The following JADE3 variants were observed in gnomAD, a reference collection of about 807,000 sequenced individuals.
JADE3 encodes the protein jade family PHD finger 3.
Under a neutral mutation model 50.1 loss-of-function variants are expected in JADE3, and 2 were observed. The observed-to-expected ratio is 0.04, with a 90% CI of 0.02 to 0.13. The LOEUF (loss-of-function observed/expected upper bound fraction) is 0.13, where lower values mean the gene tolerates loss of function less well. Among genes scored for constraint, JADE3 ranks in the 10% least tolerant of loss-of-function variants. The pLI is 1.00. For synonymous variants in JADE3, 218 were observed against 232.9 expected (o/e 0.94, Z 0.58); for missense variants, 475 against 634.4 (o/e 0.75, Z 2.70).
intron 9 of JADE3, among the ~76,000 whole-genome samples, chrX:47,055,248 T>G (rs1383282404): frequency 5.4e-5 from 6 of 111,730 alleles, no homozygotes; most frequent in Non-Finnish European, 1.1e-4. Flanking sequence ...AGGTATCTAC[T>G]AAATGAGATA....
At chrX:47,039,143 C>T in intron 8 of JADE3, 78 bp downstream of exon 8, 2 of 513,456 alleles carry the variant, frequency 3.9e-6, no homozygotes, top group Non-Finnish European at 6.8e-6. Flanking sequence ...AGTGTCCTGT[C>T]GACTGAAAGG....
Position 46,924,304 on chromosome X carries a change from T to C in JADE3, c.-12+11585T>C, listed in dbSNP as rs532408809. On this transcript the variant is annotated intron_variant, in intron 1 of 10. Transcript: ENST00000614628. ...CACACTCTCATGCCAGCTCATACTC[T>C]GGTCTCCAGTAATTTGTCAGAACTT... Among the ~76,000 whole-genome samples, 84 of 112,105 alleles carry C rather than the reference T, an allele frequency of 7.5e-4. 3 individuals are homozygous for C. In the South Asian group the frequency reaches 0.031, roughly 41 times the overall value.
At chrX:46,923,769 A>G (rs930124136) in intron 1 of JADE3, among the ~76,000 whole-genome samples, 1 of 110,671 alleles carries the variant, frequency 9.0e-6, no homozygotes, top group Admixed American at 9.6e-5. Flanking sequence ...ACTCTTGCTT[A>G]GCTTTGGGTT....
intron 1 of JADE3, among the ~76,000 whole-genome samples, chrX:46,941,152 T>C (rs1926744481): frequency 9.1e-6 from 1 of 110,413 alleles, no homozygotes; most frequent in African/African-American, 3.3e-5. Flanking sequence ...TAGCTCCTGC[T>C]TATAGACGAC....
chrX:46,946,342 G>A lies in JADE3; in HGVS notation c.-12+33623G>A, dbSNP rs536117607. ...ATGTAGAGGACTTAAGAGGCAGTTGGCAGGATGGGGGTGGGGGTGTGTTCT... is the reference window on the plus strand; with the variant it reads ...ATGTAGAGGACTTAAGAGGCAGTTGACAGGATGGGGGTGGGGGTGTGTTCT... On this transcript the variant is annotated intron_variant, in intron 1 of 10. Coordinates refer to ENST00000614628, the MANE Select transcript of JADE3 (RefSeq NM_014735.5). 9.9e-5 allele frequency among the ~76,000 whole-genome samples: 11 copies of A among 111,490 alleles called. No individual in the cohort carries two copies. In the South Asian group the frequency reaches 3.8e-3, roughly 38 times the overall value.
intron 7 of JADE3, among the ~76,000 whole-genome samples, chrX:47,037,728 C>T (rs1264571696): frequency 1.8e-5 from 2 of 112,375 alleles, no homozygotes; most frequent in Non-Finnish European, 3.8e-5. Context: ...ATAATGACAT[C>T]ATGAAACATG....
At chrX:47,010,201 A>G (rs1310826497) in intron 4 of JADE3, among the ~76,000 whole-genome samples, 1 of 110,652 alleles carries the variant, frequency 9.0e-6, no homozygotes, top group Non-Finnish European at 1.9e-5. Context: ...TTTTTAAGTG[A>G]GATAATTCAC....
chrX:46,995,028 G>A (rs908466964), intron 3 of JADE3, among the ~76,000 whole-genome samples: 1 of 107,087 alleles, frequency 9.3e-6, no homozygotes, highest in South Asian at 4.1e-4. Context: ...ATTCCTTTAA[G>A]ATTTTTTTTT....
At position 46,968,195 on chromosome X, in the gene JADE3, A is replaced by C. The variant is rs1234033549; in HGVS notation, c.-11-16689A>C. On this transcript the variant is annotated intron_variant, in intron 1 of 10. Coordinates refer to ENST00000614628, the MANE Select transcript of JADE3 (RefSeq NM_014735.5). ...TAATACTTTCCAGATATGTAGGAACATTAATAAACTGCTCTTTTTATCATA... is the reference window on the plus strand; with the variant it reads ...TAATACTTTCCAGATATGTAGGAACCTTAATAAACTGCTCTTTTTATCATA... 3.6e-5 allele frequency among the ~76,000 whole-genome samples: 4 copies of C among 112,356 alleles called. No individual in the cohort carries two copies. The Admixed American group carries it at 3.8e-4, about 11-fold the overall frequency.
chrX:46,986,071 A>C (rs900610068), intron 3 of JADE3, among the ~76,000 whole-genome samples: 2 of 111,243 alleles, frequency 1.8e-5, no homozygotes, highest in Non-Finnish European at 3.8e-5. Context: ...GTGATCACAT[A>C]TGCTAGCTCT....
chrX:47,040,521 G>A (rs1386692336), intron 8 of JADE3, among the ~76,000 whole-genome samples: 1 of 111,825 alleles, frequency 8.9e-6, no homozygotes, highest in Non-Finnish European at 1.9e-5. Flanking sequence ...CTAGTTGCAG[G>A]AAAACAAGCT....
chrX:47,016,778 G>A (rs953803240), intron 4 of JADE3, among the ~76,000 whole-genome samples: 3 of 108,513 alleles, frequency 2.8e-5, no homozygotes, highest in African/African-American at 3.4e-5. Flanking sequence ...CCTCAGCCTC[G>A]TGATGAGCTG....
intron 4 of JADE3, among the ~76,000 whole-genome samples, chrX:47,023,422 A>G (rs1928840069): frequency 9.0e-6 from 1 of 111,319 alleles, no homozygotes; most frequent in Non-Finnish European, 1.9e-5. Flanking sequence ...AACTCCATCC[A>G]TGTCCCTGCA....
intron 1 of JADE3, among the ~76,000 whole-genome samples, chrX:46,975,034 T>G (rs781892853): frequency 4.4e-5 from 2 of 45,295 alleles, no homozygotes; most frequent in East Asian, 7.8e-4. Flanking sequence ...TGTCTCCAGA[T>G]ATTGCCAAAT....
intron 1 of JADE3, among the ~76,000 whole-genome samples, chrX:46,941,522 A>G (rs1262069127): frequency 3.6e-5 from 4 of 111,740 alleles, no homozygotes; most frequent in Non-Finnish European, 7.5e-5. Context: ...ATTCCCATCA[A>G]CAGTGTCTAA....
chrX:46,949,044 C>T (rs1926945123), intron 1 of JADE3, among the ~76,000 whole-genome samples: 1 of 111,237 alleles, frequency 9.0e-6, no homozygotes, highest in African/African-American at 3.3e-5. Flanking sequence ...AGTGATCCTC[C>T]CACCTCAACT....
At chrX:46,966,765 G>C (rs969638102) in intron 1 of JADE3, among the ~76,000 whole-genome samples, 2 of 111,700 alleles carry the variant, frequency 1.8e-5, no homozygotes, top group Admixed American at 9.6e-5. Context: ...GTGGATATTA[G>C]CTAGAGAAAA....
chrX:47,039,123 TC>T, intron 8 of JADE3, 58 bp downstream of exon 8: 1 of 588,581 alleles, frequency 1.7e-6, no homozygotes. Flanking sequence ...GGACTCACCC[TC>T]CCAGTGAGAG....
intron 4 of JADE3, among the ~76,000 whole-genome samples, chrX:47,008,253 T>C (rs1556360810): frequency 8.9e-6 from 1 of 111,783 alleles, no homozygotes; most frequent in African/African-American, 3.3e-5. Context: ...AGAATGAAGA[T>C]GTCCCAGAGG....
Sources: gnomAD v4.1 joint callset for allele counts (sites outside exome capture counted in the v4.1 genomes callset) on GRCh38, gnomAD v4.1.1 for gene constraint, MANE v1.5 for transcripts, NCBI Gene and HGNC (gene_info 2026-07-23, HGNC 2026-07-21) for gene names.